The following ANO10 variants were observed in gnomAD, a reference collection of about 807,000 sequenced individuals.
ANO10 encodes anoctamin-10.
A neutral mutation model predicts 74.7 loss-of-function variants in ANO10; 77 were observed. The observed-to-expected ratio is 1.03, with a 90% confidence interval of 0.86 to 1.25. The LOEUF (loss-of-function observed/expected upper bound fraction) is 1.25, where lower values mean the gene tolerates loss of function less well. ANO10 is among the 50% of genes most tolerant of loss of function. The pLI, the probability that ANO10 is intolerant of heterozygous loss-of-function variation, is 0.00. For synonymous variants in ANO10, 279 were observed against 284.9 expected (o/e 0.98, Z 0.21); for missense variants, 721 against 778.1 (o/e 0.93, Z 0.87).
chr3:43,486,137 T>C (rs1444847910), intron 11 of ANO10, among the ~76,000 whole-genome samples: 2 of 152,174 alleles, frequency 1.3e-5, no homozygotes, highest in African/African-American at 2.4e-5. Context: ...CTGGGAGAGA[T>C]TGAGTCTGAC....
intron 1 of ANO10, among the ~76,000 whole-genome samples, chr3:43,612,143 TATATATATA>T (rs1559780620): frequency 6.9e-4 from 10 of 14,480 alleles, no homozygotes; most frequent in African/African-American, 1.5e-3. Flanking sequence ...AAATATTTTA[TATATATATA>T]TATATATATA....
chr3:43,594,334 A>ATTC (rs1354573192), intron 4 of ANO10, among the ~76,000 whole-genome samples: 1 of 152,220 alleles, frequency 6.6e-6, no homozygotes, highest in Non-Finnish European at 1.5e-5. Context: ...CATCACACTT[A>ATTC]TTCCAAAATT....
intron 11 of ANO10, among the ~76,000 whole-genome samples, chr3:43,503,836 G>A (rs1292181572): frequency 6.6e-6 from 1 of 152,088 alleles, no homozygotes; most frequent in Non-Finnish European, 1.5e-5. Flanking sequence ...ATTAAAAACT[G>A]CATTCTAATC....
At position 43,486,431 on chromosome 3, in the gene ANO10, A is replaced by G. The variant is rs562326833; in HGVS notation, c.1798-53704T>C. On this transcript the variant is annotated intron_variant, in intron 11 of 12. Coordinates refer to ENST00000292246, the MANE Select transcript of ANO10 (RefSeq NM_018075.5). Reference sequence around the variant, plus strand: ...CATTTTCACAATATTGATTCTTCCTACCCATGAGCATGGAATGTTCTTCCA... The same window carrying G: ...CATTTTCACAATATTGATTCTTCCTGCCCATGAGCATGGAATGTTCTTCCA... Among the ~76,000 whole-genome samples, 9 of 150,672 alleles carry G rather than the reference A, an allele frequency of 6.0e-5. No homozygotes were observed. In the East Asian group the frequency reaches 1.4e-3, roughly 23 times the overall value.
At chr3:43,426,662 T>C (rs899677834) in intron 12 of ANO10, among the ~76,000 whole-genome samples, 1 of 152,206 alleles carries the variant, frequency 6.6e-6, no homozygotes, top group African/African-American at 2.4e-5. Context: ...GTTCCTGCAT[T>C]AGAATCCTTT....
At chr3:43,414,967 C>CTTTTTTT (rs60554785) in intron 12 of ANO10, among the ~76,000 whole-genome samples, 36 of 66,594 alleles carry the variant, frequency 5.4e-4, no homozygotes, top group Non-Finnish European at 6.2e-4. Context: ...TGTCATTGTG[C>CTTTTTTT]TTTTTTTTTT....
At chr3:43,645,511 G>A (rs1439813523) in intron 1 of ANO10, among the ~76,000 whole-genome samples, 1 of 151,326 alleles carries the variant, frequency 6.6e-6, no homozygotes, top group Non-Finnish European at 1.5e-5. Flanking sequence ...AAAAATTTAA[G>A]GTTGAACTCC....
chr3:43,380,969 C>A (rs933792669), intron 12 of ANO10, among the ~76,000 whole-genome samples: 1 of 152,102 alleles, frequency 6.6e-6, no homozygotes, highest in Non-Finnish European at 1.5e-5. Flanking sequence ...ACAATCATGG[C>A]GGAAGGGGAA....
intron 5 of ANO10, among the ~76,000 whole-genome samples, chr3:43,578,171 A>G (rs1328133960): frequency 1.3e-5 from 2 of 152,186 alleles, no homozygotes; most frequent in East Asian, 3.8e-4. Flanking sequence ...ATTTTCTCCT[A>G]TCCTTAATTC....
chr3:43,588,274 AAT>A (rs2081569262), intron 4 of ANO10, among the ~76,000 whole-genome samples: 2 of 152,184 alleles, frequency 1.3e-5, no homozygotes, highest in East Asian at 1.9e-4. Context: ...CAATATTTTC[AAT>A]ATGAGTAAAA....
At chr3:43,562,757 T>C (rs180860932) in intron 8 of ANO10, among the ~76,000 whole-genome samples, 8 of 151,814 alleles carry the variant, frequency 5.3e-5, no homozygotes, top group Admixed American at 1.3e-4. Flanking sequence ...CAGGTATCTA[T>C]ATGCAGAAGA....
At chr3:43,479,822 A>G (rs1182100936) in intron 11 of ANO10, among the ~76,000 whole-genome samples, 1 of 151,918 alleles carries the variant, frequency 6.6e-6, no homozygotes, top group Non-Finnish European at 1.5e-5. Flanking sequence ...GGCAGAAGAC[A>G]CTCCTTGACC....
intron 5 of ANO10, 135 bp downstream of exon 5, chr3:43,580,218 T>C (rs1339967574): frequency 1.6e-6 from 2 of 1,213,410 alleles, no homozygotes; most frequent in East Asian, 2.3e-5. Flanking sequence ...ATCAAAATGT[T>C]TTCCCACATG....
intron 12 of ANO10, among the ~76,000 whole-genome samples, chr3:43,425,864 G>T (rs2092892664): frequency 6.6e-6 from 1 of 152,176 alleles, no homozygotes; most frequent in South Asian, 2.1e-4. Flanking sequence ...AATACAGCCA[G>T]TCCTTTCCTG....
chr3:43,479,012 C>T lies in ANO10; in HGVS notation c.1798-46285G>A, dbSNP rs373953432. On this transcript the variant is annotated intron_variant, in intron 11 of 12. Transcript: ENST00000292246. ...GGTTTTCTAAAACTATCCTTGAGGACATAGATTATTGTGTTAATCAAGGTT... is the reference window on the plus strand; with the variant it reads ...GGTTTTCTAAAACTATCCTTGAGGATATAGATTATTGTGTTAATCAAGGTT... 2.0e-5 allele frequency among the ~76,000 whole-genome samples: 3 copies of T among 152,306 alleles called. No individual in the cohort carries two copies. The South Asian group carries it at 6.2e-4, about 32-fold the overall frequency.
Position 43,571,021 on chromosome 3 carries a change from G to A in ANO10, c.1218+3788C>T, listed in dbSNP as rs1282964754. On this transcript the variant is annotated intron_variant, in intron 7 of 12. Transcript: ENST00000292246. ...CAAACAACCCCATCAAAAAGTGGGCGAAGGACATGAACAGATACTTCTCAA... is the reference window on the plus strand; with the variant it reads ...CAAACAACCCCATCAAAAAGTGGGCAAAGGACATGAACAGATACTTCTCAA... Among the ~76,000 whole-genome samples, 45 of 151,298 alleles carry A rather than the reference G, an allele frequency of 3.0e-4. 1 individual carries two copies. In the South Asian group the frequency reaches 3.9e-3, roughly 13 times the overall value.
intron 1 of ANO10, among the ~76,000 whole-genome samples, chr3:43,673,947 G>A (rs926355324): frequency 6.6e-6 from 1 of 152,072 alleles, no homozygotes; most frequent in African/African-American, 2.4e-5. Flanking sequence ...TTCCTTCTCA[G>A]TTTAATAAGT....
At chr3:43,388,154 A>C (rs1048055321) in intron 12 of ANO10, among the ~76,000 whole-genome samples, 4 of 152,192 alleles carry the variant, frequency 2.6e-5, no homozygotes, top group Non-Finnish European at 5.9e-5. Context: ...CTGGATGCAG[A>C]AATTGGGGCA....
chr3:43,501,660 AAGAC>A, intron 11 of ANO10, among the ~76,000 whole-genome samples: 1 of 152,314 alleles, frequency 6.6e-6, no homozygotes, highest in South Asian at 2.1e-4. Flanking sequence ...CCTGACAAGA[AAGAC>A]AGCTCATTAT....
Sources: allele counts gnomAD v4.1 joint callset (sites outside exome capture counted in the v4.1 genomes callset), GRCh38; gene constraint gnomAD v4.1.1; transcripts MANE v1.5; gene names NCBI Gene and HGNC (gene_info 2026-07-23, HGNC 2026-07-21).